The following MMP28 variants were observed in gnomAD, a reference collection of about 807,000 sequenced individuals.
MMP28 encodes matrix metalloproteinase-28.
Under a neutral mutation model 60.5 loss-of-function variants are expected in MMP28, and 55 were observed. The observed-to-expected ratio is 0.91, with a 90% confidence interval of 0.73 to 1.14. The LOEUF (loss-of-function observed/expected upper bound fraction) is 1.14. Ranked by LOEUF, MMP28 falls within the 50% of genes most tolerant of loss-of-function variation. MMP28 has a pLI of 0.00. For missense variants in MMP28, 686 were observed against 738.3 expected (o/e 0.93, Z 0.82); for synonymous variants, 318 against 312.5 (o/e 1.02, Z -0.18).
intron 2 of MMP28, among the ~76,000 whole-genome samples, chr17:35,760,355 C>T (rs1406317458): frequency 6.6e-6 from 1 of 152,232 alleles, no homozygotes; most frequent in Non-Finnish European, 1.5e-5. Flanking sequence ...TATCCAGGAG[C>T]TATACCAGCC....
chr17:35,779,896 C>G (rs1945814111), intron 1 of MMP28, among the ~76,000 whole-genome samples: 1 of 152,178 alleles, frequency 6.6e-6, no homozygotes, highest in Middle Eastern at 3.4e-3. Flanking sequence ...TGCATATACA[C>G]TATTCATATG....
intron 1 of MMP28, among the ~76,000 whole-genome samples, chr17:35,791,653 C>T (rs1011200854): frequency 6.6e-6 from 1 of 152,208 alleles, no homozygotes; most frequent in African/African-American, 2.4e-5. Flanking sequence ...ATGGTGCTTA[C>T]ACCTAAAGCA....
chr17:35,763,921 T>TA, downstream of MMP28: 1 of 963,464 alleles, frequency 1.0e-6, no homozygotes, highest in Non-Finnish European at 1.4e-6. Context: ...AATAAATAAA[T>TA]AAATAAATAA....
downstream of MMP28, chr17:35,764,325 G>A: frequency 1.4e-6 from 2 of 1,472,634 alleles, no homozygotes; most frequent in Non-Finnish European, 1.8e-6. Context: ...CCCACCGACA[G>A]GTGCCTGCGC....
intron 3 of MMP28, chr17:35,778,670 G>T: frequency 8.7e-7 from 1 of 1,155,190 alleles, no homozygotes; most frequent in Non-Finnish European, 1.2e-6. Flanking sequence ...AAAAACACTT[G>T]TACAATGAAA....
At chr17:35,763,983 C>T, downstream of MMP28, 1 of 1,523,320 alleles carries the variant, frequency 6.6e-7, no homozygotes, top group South Asian at 1.2e-5. Context: ...AGCAGGACTG[C>T]CCTGACCTCC....
At chr17:35,790,890 GTT>G (rs75405121) in intron 1 of MMP28, among the ~76,000 whole-genome samples, 2 of 117,040 alleles carry the variant, frequency 1.7e-5, no homozygotes, top group African/African-American at 2.8e-5. Flanking sequence ...ATGTATTAAT[GTT>G]TTTTTTTTTT....
intron 1 of MMP28, among the ~76,000 whole-genome samples, chr17:35,788,050 C>A (rs1297378548): frequency 6.6e-6 from 1 of 151,900 alleles, no homozygotes; most frequent in Non-Finnish European, 1.5e-5. Context: ...GGACTACAGG[C>A]ATGTGCCATC....
chr17:35,769,308 T>G (rs2086045539), intron 5 of MMP28, among the ~76,000 whole-genome samples: 1 of 152,212 alleles, frequency 6.6e-6, no homozygotes, highest in South Asian at 2.1e-4. Flanking sequence ...TATAAGTTTC[T>G]CAGGCTACAA....
At chr17:35,764,418 G>C (rs782295866), downstream of MMP28, 1 of 1,526,452 alleles carries the variant, frequency 6.6e-7, no homozygotes, top group Non-Finnish European at 8.8e-7. Flanking sequence ...CCTGGTCCCC[G>C]CCGGCAGGAA....
intron 3 of MMP28, 180 bp downstream of exon 3, chr17:35,778,708 T>G: frequency 7.2e-7 from 1 of 1,385,904 alleles, no homozygotes; most frequent in Non-Finnish European, 9.6e-7. Flanking sequence ...TCATTCTGAA[T>G]TAAATGTCTG....
At chr17:35,792,746 CTCAG>C (rs1396364369) in intron 1 of MMP28, among the ~76,000 whole-genome samples, 1 of 152,142 alleles carries the variant, frequency 6.6e-6, no homozygotes, top group Non-Finnish European at 1.5e-5. Flanking sequence ...TAAGCCGAAG[CTCAG>C]TTCTCTAAAG....
chr17:35,787,052 C>A (rs2086673088), intron 1 of MMP28, among the ~76,000 whole-genome samples: 1 of 152,062 alleles, frequency 6.6e-6, no homozygotes. Context: ...ACTAAAGGGG[C>A]AAGGGCCAAG....
intron 2 of MMP28, chr17:35,760,860 T>G: frequency 6.4e-7 from 1 of 1,555,290 alleles, no homozygotes. Context: ...GCCCTAGACA[T>G]GAGACAAAGT....
intron 1 of MMP28, among the ~76,000 whole-genome samples, chr17:35,780,958 G>T (rs1555609218): frequency 6.6e-6 from 1 of 152,200 alleles, no homozygotes; most frequent in Non-Finnish European, 1.5e-5. Flanking sequence ...AAGGAGTTGA[G>T]TCTCTGAGGA....
intron 4 of MMP28, among the ~76,000 whole-genome samples, chr17:35,771,754 T>TATAA (rs1568151464): frequency 1.0e-5 from 1 of 98,250 alleles, no homozygotes; most frequent in Non-Finnish European, 2.0e-5. Flanking sequence ...TATATATATA[T>TATAA]AAAATTGTGT....
At chr17:35,775,742 C>T (rs746192364) in intron 3 of MMP28, among the ~76,000 whole-genome samples, 2 of 152,232 alleles carry the variant, frequency 1.3e-5, no homozygotes, top group African/African-American at 2.4e-5. Flanking sequence ...AATAAATATA[C>T]ATTCCCCTCT....
At position 35,779,065 on chromosome 17, in the gene MMP28, A is replaced by G; in HGVS notation, c.202T>C (p.Trp68Arg). 1.1e-5 allele frequency: 17 copies of G among 1,613,916 alleles called. No individual in the cohort carries two copies. The highest frequency in any genetic ancestry group is 1.4e-5 in the Non-Finnish European group (16 of 1,179,836). The change falls in exon 3 of 8, where the codon TGG becomes CGG. Residue 68 changes from tryptophan (W) to arginine (R), a missense_variant. Physicochemically the swap from Trp to Arg is moderately radical, Grantham distance 101 (BLOSUM62 -3). Transcript: ENST00000605424. Reference protein sequence around the residue: ...RFSDAIRAFQWVSQLPVSGVL... With the variant: ...RFSDAIRAFQRVSQLPVSGVL... The stretch of plus-strand genomic sequence containing the variant: ...CCGCTGACAGGTAGCTGGGACACCC[A>G]CTGAAACGCTCTGTCAGGAGGAAAG...
At position 35,795,464 on chromosome 17, in the gene MMP28, T is replaced by A; in HGVS notation, c.-87A>T. On this transcript the variant is annotated 5_prime_UTR_variant, in exon 1 of 8. Coordinates refer to ENST00000605424, the MANE Select transcript of MMP28 (RefSeq NM_024302.5). ...TCAGCCGCGCCCGGGACCCCGGGGA[T>A]GGGACTGCTCTGCGCCGCCCCCGCA... 2 of 983,556 alleles carry A rather than the reference T, an allele frequency of 2.0e-6. No individual in the cohort carries two copies. The highest frequency in any genetic ancestry group is 2.2e-5 in the South Asian group (1 of 44,964). The allele number at this position is 983,556 out of a possible 1,614,324, so 60.9% of individuals were successfully genotyped here.
Sources: allele counts gnomAD v4.1 joint callset (sites outside exome capture counted in the v4.1 genomes callset), GRCh38; gene constraint gnomAD v4.1.1; transcripts MANE v1.5; gene names NCBI Gene and HGNC (gene_info 2026-07-23, HGNC 2026-07-21).